Variants in FAM178B observed in about 807,000 individuals in gnomAD.
FAM178B encodes the protein family with sequence similarity 178 member B, also known as protein FAM178B.
FAM178B carries 82 observed loss-of-function variants against 91.7 expected under a neutral mutation model. That is an observed-to-expected ratio of 0.89 (90% CI 0.75 to 1.07). The LOEUF is 1.07. Among genes scored for constraint, FAM178B ranks in the 50% least tolerant of loss-of-function variants. FAM178B has a pLI of 0.00. For synonymous variants in FAM178B, 368 were observed against 359.4 expected (o/e 1.02, Z -0.27); for missense variants, 769 against 846.7 (o/e 0.91, Z 1.14).
chr2:96,925,553 C>T (rs1040109938), intron 9 of FAM178B, among the ~76,000 whole-genome samples: 1 of 152,226 alleles, frequency 6.6e-6, no homozygotes, highest in Non-Finnish European at 1.5e-5. Flanking sequence ...GGCCACAGCC[C>T]GGGAATTCAA....
At position 96,923,586 on chromosome 2, in the gene FAM178B, G is replaced by C. The variant is rs975754862; in HGVS notation, c.1194-3C>G. On this transcript the variant is annotated splice_region_variant and splice_polypyrimidine_tract_variant and intron_variant, in intron 9 of 16. Coordinates refer to ENST00000490605, the MANE Select transcript of FAM178B (RefSeq NM_001122646.3). ...GGCCAGCCTCGCCTGGAAGCACCCTGTGGTAAGACAACAACAGTGACGATG... is the reference window on the plus strand; with the variant it reads ...GGCCAGCCTCGCCTGGAAGCACCCTCTGGTAAGACAACAACAGTGACGATG... 6.4e-7 allele frequency: 1 copy of C among 1,551,132 alleles called. No homozygotes were observed. Among genetic ancestry groups the C allele is most frequent in the Non-Finnish European group, 8.7e-7 (1 of 1,146,590 alleles).
intron 5 of FAM178B, among the ~76,000 whole-genome samples, chr2:96,962,683 C>A (rs1396420801): frequency 6.6e-6 from 1 of 152,174 alleles, no homozygotes; most frequent in Non-Finnish European, 1.5e-5. Flanking sequence ...GCCCCAGGCT[C>A]AGCACACACG....
chr2:96,910,467 A>G (rs2081133020), intron 12 of FAM178B, among the ~76,000 whole-genome samples: 1 of 152,228 alleles, frequency 6.6e-6, no homozygotes, highest in Non-Finnish European at 1.5e-5. Context: ...CAAAAGCAAA[A>G]TACGAATTGT....
At chr2:96,914,012 A>AGCC (rs1304109081) in intron 12 of FAM178B, among the ~76,000 whole-genome samples, 1 of 152,204 alleles carries the variant, frequency 6.6e-6, no homozygotes, top group East Asian at 1.9e-4. Flanking sequence ...ATCAGAAGAG[A>AGCC]GCCAAACATT....
intron 6 of FAM178B, among the ~76,000 whole-genome samples, chr2:96,952,234 G>C (rs1432304194): frequency 2.6e-5 from 4 of 152,182 alleles, no homozygotes; most frequent in Non-Finnish European, 4.4e-5. Context: ...TTTCTGCTCT[G>C]CCTTATGTTT....
intron 6 of FAM178B, among the ~76,000 whole-genome samples, chr2:96,954,151 GA>G (rs1255161853): frequency 6.6e-6 from 1 of 152,348 alleles, no homozygotes; most frequent in East Asian, 1.9e-4. Flanking sequence ...CAGAGGGACA[GA>G]GCCTCCATCG....
At chr2:96,883,371 G>A (rs907894649) in intron 14 of FAM178B, among the ~76,000 whole-genome samples, 1 of 152,316 alleles carries the variant, frequency 6.6e-6, no homozygotes, top group Non-Finnish European at 1.5e-5. Context: ...GGCTATTTAC[G>A]CTGAAGGGGG....
chr2:96,896,813 C>T (rs1294609899), intron 13 of FAM178B, among the ~76,000 whole-genome samples: 1 of 152,220 alleles, frequency 6.6e-6, no homozygotes. Context: ...TCCTTCCAGC[C>T]GTTGCTCCAC....
intron 5 of FAM178B, among the ~76,000 whole-genome samples, chr2:96,963,685 C>T (rs1251543242): frequency 1.3e-5 from 2 of 152,184 alleles, no homozygotes; most frequent in Admixed American, 6.5e-5. Flanking sequence ...GCCTGCAGGC[C>T]GAGTCCTGTG....
chr2:96,928,787 G>A (rs997597020), intron 9 of FAM178B, among the ~76,000 whole-genome samples: 5 of 152,100 alleles, frequency 3.3e-5, no homozygotes, highest in African/African-American at 1.2e-4. Flanking sequence ...TCAGGCGGGG[G>A]TGTGTGGTTG....
chr2:96,921,405 C>A, intron 11 of FAM178B, 73 bp downstream of exon 11: 1 of 1,529,108 alleles, frequency 6.5e-7, no homozygotes, highest in Non-Finnish European at 8.9e-7. Flanking sequence ...CATCCCCACC[C>A]AGGGCACTCT....
chr2:96,919,665 C>T (rs1418511670), intron 12 of FAM178B, among the ~76,000 whole-genome samples: 1 of 152,026 alleles, frequency 6.6e-6, no homozygotes, highest in African/African-American at 2.4e-5. Flanking sequence ...GAGGCAGGGT[C>T]GGCCTCTCCA....
intron 9 of FAM178B, among the ~76,000 whole-genome samples, chr2:96,927,913 G>T (rs1011668611): frequency 6.6e-6 from 1 of 152,174 alleles, no homozygotes; most frequent in Admixed American, 6.5e-5. Flanking sequence ...TCTCTCCCCC[G>T]CTCATCCAAG....
At chr2:96,903,682 T>C (rs2080978021) in intron 12 of FAM178B, among the ~76,000 whole-genome samples, 1 of 152,184 alleles carries the variant, frequency 6.6e-6, no homozygotes, top group Non-Finnish European at 1.5e-5. Flanking sequence ...GCAAAGAGGC[T>C]GAAACAGAGC....
intron 6 of FAM178B, among the ~76,000 whole-genome samples, chr2:96,955,018 C>G (rs538842124): frequency 2.0e-4 from 31 of 152,238 alleles, no homozygotes; most frequent in Non-Finnish European, 3.7e-4. Context: ...CTACTGCACT[C>G]CAGCATGGGC....
At chr2:96,960,757 A>G (rs1313558658) in intron 5 of FAM178B, among the ~76,000 whole-genome samples, 2 of 152,230 alleles carry the variant, frequency 1.3e-5, no homozygotes, top group African/African-American at 4.8e-5. Context: ...ACGGAGGGTG[A>G]GTCAGGAATG....
intron 8 of FAM178B, among the ~76,000 whole-genome samples, chr2:96,931,811 C>G (rs1415228956): frequency 6.6e-6 from 1 of 151,480 alleles, no homozygotes; most frequent in Non-Finnish European, 1.5e-5. Flanking sequence ...ACTCACCAAA[C>G]AAGTAATTAG....
At chr2:96,889,598 A>T (rs919526774) in intron 14 of FAM178B, among the ~76,000 whole-genome samples, 1 of 151,786 alleles carries the variant, frequency 6.6e-6, no homozygotes, top group African/African-American at 2.4e-5. Context: ...GAATCGCTTG[A>T]ACCTGGGAGG....
intron 7 of FAM178B, among the ~76,000 whole-genome samples, chr2:96,949,692 C>A (rs538835622): frequency 1.3e-5 from 2 of 152,360 alleles, no homozygotes; most frequent in South Asian, 4.1e-4. Context: ...AAAGCCAGTG[C>A]ACCCCTTTCA....
Sources: allele counts gnomAD v4.1 joint callset (sites outside exome capture counted in the v4.1 genomes callset), GRCh38; gene constraint gnomAD v4.1.1; transcripts MANE v1.5; gene names NCBI Gene and HGNC (gene_info 2026-07-23, HGNC 2026-07-21).